Variants in ANKRD11 observed in about 807,000 individuals in gnomAD.
ANKRD11 encodes the protein ankyrin repeat domain-containing protein 11.
A neutral mutation model predicts 195.7 loss-of-function variants in ANKRD11; 17 were observed. The ratio of observed to expected loss-of-function variants is 0.09; its 90% CI spans 0.06 to 0.13. The LOEUF is 0.13. ANKRD11 is among the 10% of genes least tolerant of loss of function. The probability of loss-of-function intolerance (pLI) is 1.00; values close to 1 mark genes in which losing one functional copy is unlikely to be tolerated. For missense variants in ANKRD11, 3,735 were observed against 3,566.1 expected, an observed-to-expected ratio of 1.05 and a Z score of -1.21; for synonymous variants, 1,953 against 1,528.1, an observed-to-expected ratio of 1.28 and a Z score of -6.49.
At chr16:89,371,843 G>A (rs2040207166) in intron 2 of ANKRD11, among the ~76,000 whole-genome samples, 1 of 152,102 alleles carries the variant, frequency 6.6e-6, no homozygotes, top group South Asian at 2.1e-4. Context: ...AGCAAACCGA[G>A]CTCTTCCACA....
intron 1 of ANKRD11, among the ~76,000 whole-genome samples, chr16:89,447,524 G>A (rs2043847867): frequency 6.6e-6 from 1 of 151,996 alleles, no homozygotes; most frequent in Non-Finnish European, 1.5e-5. Flanking sequence ...GAGGGTCCTC[G>A]TGATCCCCAT....
At chr16:89,389,167 C>T (rs1003792503) in intron 2 of ANKRD11, among the ~76,000 whole-genome samples, 16 of 151,966 alleles carry the variant, frequency 1.1e-4, no homozygotes, top group African/African-American at 3.9e-4. Context: ...GACAGATACA[C>T]GCCACTACGT....
At chr16:89,469,085 T>C (rs188335524) in intron 1 of ANKRD11, among the ~76,000 whole-genome samples, 1 of 152,188 alleles carries the variant, frequency 6.6e-6, no homozygotes, top group East Asian at 1.9e-4. Flanking sequence ...GTGGACACTT[T>C]TCAATTACCA....
At chr16:89,399,434 A>C (rs1357321455) in intron 2 of ANKRD11, among the ~76,000 whole-genome samples, 1 of 152,142 alleles carries the variant, frequency 6.6e-6, no homozygotes, top group Non-Finnish European at 1.5e-5. Flanking sequence ...TACGGTTCCG[A>C]CTCTGACATC....
intron 1 of ANKRD11, among the ~76,000 whole-genome samples, chr16:89,448,319 G>A (rs542654278): frequency 2.6e-5 from 4 of 152,314 alleles, no homozygotes; most frequent in African/African-American, 7.2e-5. Flanking sequence ...TGTAAAATGA[G>A]CATAAACAGT....
In ANKRD11 at chr16:89,340,346, C is replaced by T. The variant is rs2038596514; in HGVS notation, c.-59-23268G>A. 6.6e-5 allele frequency among the ~76,000 whole-genome samples: 10 copies of T among 152,344 alleles called. No homozygotes were observed. The South Asian group carries it at 1.4e-3, about 22-fold the overall frequency. On this transcript the variant is annotated intron_variant, in intron 2 of 12. Transcript: ENST00000301030. ...AGGCTGAAGTGCAGTGGCACCATCTCGGCTCACTGCAACCTCCACCTCCCG... is the reference window on the plus strand; with the variant it reads ...AGGCTGAAGTGCAGTGGCACCATCTTGGCTCACTGCAACCTCCACCTCCCG...
At position 89,283,258 on chromosome 16, in the gene ANKRD11, A is replaced by G; in HGVS notation, c.3284T>C (p.Ile1095Thr). The G allele has an allele frequency of 6.2e-7, 1 of 1,614,066 alleles. No homozygotes were observed. Among genetic ancestry groups the G allele is most frequent in the Non-Finnish European group, 8.5e-7 (1 of 1,180,030 alleles). ...TTTTTTTTCAGAGAAGTCTTCTGAG[A>G]TGATCCCAGGGAAAGCCTTCTCCTT... ...EKKEKAFPGI[I>T]SEDFSEKKDD... The change falls in exon 9 of 13, where the codon ATC becomes ACC. Residue 1095 changes from isoleucine (I) to threonine (T), a missense_variant. Physicochemically the swap from Ile to Thr is moderately conservative, Grantham distance 89 (BLOSUM62 -1). Coordinates refer to ENST00000301030, the MANE Select transcript of ANKRD11 (RefSeq NM_013275.6). This position sits in a 1 kb window ranked among gnomAD's most constrained non-coding sequence, Gnocchi z 4.3.
In ANKRD11 at chr16:89,419,220, G is replaced by A. The variant is rs188838840; in HGVS notation, c.-144-852C>T. On this transcript the variant is annotated intron_variant, in intron 1 of 12. Transcript: ENST00000301030. ...TAATCCCAGCACTTTGGGAGGCCGA[G>A]GTGGGCGGATCACTTGAGGTCATGA... Among the ~76,000 whole-genome samples the A allele has an allele frequency of 3.9e-3, 599 of 152,110 alleles. 2 individuals are homozygous for A. The highest frequency in any genetic ancestry group is 0.02 in the Middle Eastern group (6 of 294).
chr16:89,268,670 G>C lies in ANKRD11; in HGVS notation c.7807-7C>G. The C allele has an allele frequency of 6.3e-7, 1 of 1,581,556 alleles. No individual in the cohort carries two copies. The highest frequency in any genetic ancestry group is 8.6e-7 in the Non-Finnish European group (1 of 1,164,210). Reference sequence around the variant, plus strand: ...GCCGCATGAGGAGGCAAGTCTGCGGGACACACAGCGGGGAGAGGAGGGAGG... The same window carrying C: ...GCCGCATGAGGAGGCAAGTCTGCGGCACACACAGCGGGGAGAGGAGGGAGG... On this transcript the variant is annotated splice_region_variant and splice_polypyrimidine_tract_variant and intron_variant, in intron 12 of 12. Transcript: ENST00000301030.
At chr16:89,335,951 C>T (rs940463068) in intron 2 of ANKRD11, among the ~76,000 whole-genome samples, 2 of 152,210 alleles carry the variant, frequency 1.3e-5, no homozygotes, top group Non-Finnish European at 2.9e-5. Context: ...CAAACATGAC[C>T]GTGCAACATG....
chr16:89,286,604 G>T, intron 7 of ANKRD11: 2 of 1,145,622 alleles, frequency 1.7e-6, no homozygotes, highest in Non-Finnish European at 2.2e-6. Context: ...AAGAGGTTAG[G>T]GAGAAGAGTG....
chr16:89,385,952 C>T (rs1016229863), intron 2 of ANKRD11, among the ~76,000 whole-genome samples: 6 of 152,240 alleles, frequency 3.9e-5, no homozygotes, highest in South Asian at 2.1e-4. Context: ...TAGCACACAG[C>T]GGACAGCAGT....
intron 1 of ANKRD11, among the ~76,000 whole-genome samples, chr16:89,466,876 G>C (rs1334934483): frequency 1.3e-5 from 2 of 152,186 alleles, no homozygotes; most frequent in African/African-American, 4.8e-5. Flanking sequence ...TTCAGCTCCT[G>C]CTCCCTTCCC....
At chr16:89,434,767 T>C (rs2043142212) in intron 1 of ANKRD11, among the ~76,000 whole-genome samples, 1 of 152,232 alleles carries the variant, frequency 6.6e-6, no homozygotes, top group South Asian at 2.1e-4. Flanking sequence ...GGCCTCATGT[T>C]TGATGAGCAT....
At chr16:89,445,833 G>T (rs2152304690) in intron 1 of ANKRD11, among the ~76,000 whole-genome samples, 1 of 152,144 alleles carries the variant, frequency 6.6e-6, no homozygotes, top group South Asian at 2.1e-4. Context: ...AATTAGCCAG[G>T]TGGTGCATGC....
chr16:89,368,236 C>A (rs1286489890), intron 2 of ANKRD11, among the ~76,000 whole-genome samples: 1 of 151,732 alleles, frequency 6.6e-6, no homozygotes, highest in Non-Finnish European at 1.5e-5. Flanking sequence ...TGCTCTGTTG[C>A]CCAGGCCAGA....
chr16:89,456,766 C>CA (rs2056455396), intron 1 of ANKRD11, among the ~76,000 whole-genome samples: 1 of 152,150 alleles, frequency 6.6e-6, no homozygotes, highest in African/African-American at 2.4e-5. Context: ...CCAAAATAGA[C>CA]AGATCCACAG....
rs1431663321 is a variant in ANKRD11 at position 89,280,237 on chromosome 16, A to G, written c.6305T>C (p.Phe2102Ser). The G allele has an allele frequency of 5.0e-6, 8 of 1,608,434 alleles. No homozygotes were observed. The highest frequency in any genetic ancestry group is 6.8e-6 in the Non-Finnish European group (8 of 1,179,456). ...VEALGPLENS[F>S]LDGSRGLSHL... ...AGACAGGCCGCGGCTGCCGTCCAGG[A>G]AGCTATTTTCCAGGGGCCCCAGAGC... The change falls in exon 9 of 13, where the codon TTC becomes TCC. Residue 2102 changes from phenylalanine to serine, a missense_variant. By Grantham distance (155) the Phe-to-Ser change is radical. Coordinates refer to ENST00000301030, the MANE Select transcript of ANKRD11 (RefSeq NM_013275.6).
At chr16:89,326,185 G>A (rs1462832660) in intron 2 of ANKRD11, among the ~76,000 whole-genome samples, 3 of 152,204 alleles carry the variant, frequency 2.0e-5, no homozygotes, top group Non-Finnish European at 2.9e-5. Flanking sequence ...AATCATGGCC[G>A]TAAGGCAGGG....
Sources: gnomAD v4.1 joint callset for allele counts (sites outside exome capture counted in the v4.1 genomes callset) on GRCh38, gnomAD v4.1.1 for gene constraint, Gnocchi (gnomAD v3.1) non-coding constraint, MANE v1.5 for transcripts, NCBI Gene and HGNC (gene_info 2026-07-23, HGNC 2026-07-21) for gene names.